The following ADGRV1 variants were observed in gnomAD, a reference collection of about 807,000 sequenced individuals.
ADGRV1 encodes the protein adhesion G protein-coupled receptor V1.
In ADGRV1, 359 loss-of-function variants were observed where a neutral mutation model predicts 596.2. The observed-to-expected ratio is 0.60, with a 90% CI of 0.55 to 0.66. ADGRV1 has a LOEUF of 0.66. Ranked by LOEUF, ADGRV1 falls within the 30% of genes least tolerant of loss-of-function variation. ADGRV1 has a pLI of 0.00. For missense variants in ADGRV1, 7,274 were observed against 7,575.6 expected, an observed-to-expected ratio of 0.96 and a Z score of 1.48; for synonymous variants, 2,681 against 2,679.2, an observed-to-expected ratio of 1.00 and a Z score of -0.02.
chr5:90,569,932 T>C lies in ADGRV1; in HGVS notation c.22+11015T>C, dbSNP rs182284270. On this transcript the variant is annotated intron_variant, in intron 1 of 89. Coordinates refer to ENST00000405460, the MANE Select transcript of ADGRV1 (RefSeq NM_032119.4). ...ACTCTTTAGCACAAATCTATTATTA[T>C]TGCTTTATGTAGTTGTCTTTTCAAT... Among the ~76,000 whole-genome samples the C allele has an allele frequency of 6.6e-5, 10 of 152,246 alleles. No homozygotes were observed. The East Asian group carries it at 1.9e-3, about 29-fold the overall frequency.
chr5:91,135,215 A>G (rs1016554237), intron 87 of ADGRV1, among the ~76,000 whole-genome samples: 4 of 152,006 alleles, frequency 2.6e-5, no homozygotes, highest in Non-Finnish European at 4.4e-5. Flanking sequence ...ATTTTTCTAC[A>G]TAGACATTTC....
intron 86 of ADGRV1, among the ~76,000 whole-genome samples, chr5:91,089,049 T>C (rs542191601): frequency 1.3e-5 from 2 of 152,204 alleles, no homozygotes; most frequent in Non-Finnish European, 2.9e-5. Context: ...AGCAATAAGA[T>C]ATTAGTTCAC....
At position 90,756,955 on chromosome 5, in the gene ADGRV1, T is replaced by C. The variant is rs372196527; in HGVS notation, c.11758-24T>C. The stretch of plus-strand genomic sequence containing the variant: ...TGAGAGTTACCATTTTATCTTGCCT[T>C]TCAATTATATTCTTTACTTAAAGGG... On this transcript the variant is annotated intron_variant, in intron 56 of 89. Transcript: ENST00000405460. 3.3e-6 allele frequency: 5 copies of C among 1,525,978 alleles called. No individual in the cohort carries two copies. The African/African-American group carries it at 6.9e-5, about 21-fold the overall frequency. The allele number at this position is 1,525,978 out of a possible 1,614,324, so 94.5% of individuals were successfully genotyped here. A position where few individuals can be genotyped will look rare whatever the true frequency, so the allele number is the denominator to read the frequency against.
chr5:90,729,064 G>A (rs893835224), intron 49 of ADGRV1, 131 bp downstream of exon 49: 1 of 641,078 alleles, frequency 1.6e-6, no homozygotes, highest in Non-Finnish European at 2.5e-6. Flanking sequence ...TGATAGATAA[G>A]TATTAATTGT....
chr5:91,149,713 G>A (rs1212539378), intron 87 of ADGRV1, among the ~76,000 whole-genome samples: 1 of 151,076 alleles, frequency 6.6e-6, no homozygotes, highest in Non-Finnish European at 1.5e-5. Context: ...CACGCCCATA[G>A]TCCCAGCTAC....
intron 1 of ADGRV1, among the ~76,000 whole-genome samples, chr5:90,611,691 TG>T (rs1440263886): frequency 2.0e-5 from 3 of 151,948 alleles, no homozygotes; most frequent in Non-Finnish European, 4.4e-5. Flanking sequence ...AGTGGTCTGA[TG>T]GGGCATGAAA....
intron 78 of ADGRV1, among the ~76,000 whole-genome samples, chr5:90,846,059 T>TG (rs1765850128): frequency 6.6e-6 from 1 of 152,356 alleles, no homozygotes; most frequent in African/African-American, 2.4e-5. Context: ...AGCTTGGAAC[T>TG]GTACTAGATT....
chr5:90,633,735 A>C (rs1461456572), intron 9 of ADGRV1, among the ~76,000 whole-genome samples: 1 of 152,122 alleles, frequency 6.6e-6, no homozygotes, highest in African/African-American at 2.4e-5. Flanking sequence ...ACTAAAGATC[A>C]CGTTTTATTT....
chr5:91,039,224 A>C (rs1156471804), intron 85 of ADGRV1, among the ~76,000 whole-genome samples: 1 of 152,214 alleles, frequency 6.6e-6, no homozygotes, highest in Non-Finnish European at 1.5e-5. Context: ...CTTTCAGATC[A>C]GGGTAGGACT....
intron 85 of ADGRV1, among the ~76,000 whole-genome samples, chr5:91,041,688 T>A (rs1212452100): frequency 6.6e-6 from 1 of 151,684 alleles, no homozygotes. Context: ...AATAACCTCT[T>A]TATGGCAGAA....
At chr5:91,083,924 A>G (rs538057569) in intron 86 of ADGRV1, among the ~76,000 whole-genome samples, 2 of 152,324 alleles carry the variant, frequency 1.3e-5, no homozygotes, top group East Asian at 3.9e-4. Flanking sequence ...GGCTTGGGCA[A>G]CATGAGAGAA....
chr5:90,983,839 C>T (rs1405497285), intron 84 of ADGRV1, among the ~76,000 whole-genome samples: 13 of 152,218 alleles, frequency 8.5e-5, no homozygotes, highest in Non-Finnish European at 1.5e-4. Flanking sequence ...ACATTTTTAT[C>T]CTTCCCTGGT....
chr5:90,665,201 C>T (rs1372978909), intron 21 of ADGRV1, among the ~76,000 whole-genome samples: 1 of 151,824 alleles, frequency 6.6e-6, no homozygotes, highest in Non-Finnish European at 1.5e-5. Flanking sequence ...CCAGTTCCTC[C>T]TTGTACCTCT....
intron 35 of ADGRV1, among the ~76,000 whole-genome samples, chr5:90,704,139 A>G (rs1748282133): frequency 6.6e-6 from 1 of 152,190 alleles, no homozygotes; most frequent in African/African-American, 2.4e-5. Flanking sequence ...CAATAGTGTT[A>G]CATTGCTCAA....
At position 90,853,523 on chromosome 5, in the gene ADGRV1, T is replaced by TA; in HGVS notation, c.17450dup (p.Asn5817LysfsTer2). ...ATAAGTGGAAACAATCTTCCTACCC[T>TA]AAAAAATAAGGTAATCTTTCATTCA... On this transcript the variant is annotated frameshift_variant, in exon 80 of 90. Transcript: ENST00000405460. LOFTEE classifies it high-confidence loss of function. 1 of 1,608,974 alleles carries TA rather than the reference T, an allele frequency of 6.2e-7. No homozygotes were observed. The highest frequency in any genetic ancestry group is 8.5e-7 in the Non-Finnish European group (1 of 1,176,936).
At chr5:91,104,238 G>A (rs1791649539) in intron 87 of ADGRV1, among the ~76,000 whole-genome samples, 1 of 152,172 alleles carries the variant, frequency 6.6e-6, no homozygotes, top group African/African-American at 2.4e-5. Flanking sequence ...TTCTGGCAGT[G>A]TGCCTGGGAA....
At chr5:90,674,298 C>A in intron 23 of ADGRV1, 64 bp downstream of exon 23, 1 of 1,300,018 alleles carries the variant, frequency 7.7e-7, no homozygotes, top group Non-Finnish European at 1.0e-6. Flanking sequence ...TTGTTAAGAA[C>A]TTCTTAAGGC....
At chr5:90,669,828 A>T (rs1048201968) in intron 21 of ADGRV1, among the ~76,000 whole-genome samples, 2 of 152,196 alleles carry the variant, frequency 1.3e-5, no homozygotes, top group African/African-American at 4.8e-5. Flanking sequence ...AAGCAAATGC[A>T]AGTTGAGGCT....
Position 90,863,796 on chromosome 5 carries a change from G to C in ADGRV1, c.17795G>C (p.Arg5932Thr). 6.2e-7 allele frequency: 1 copy of C among 1,613,552 alleles called. No homozygotes were observed. The highest frequency in any genetic ancestry group is 1.3e-5 in the African/African-American group (1 of 75,004). Residue 5932 changes from arginine to threonine, a missense_variant, in exon 83 of 90, where the codon AGG becomes ACG. Physicochemically the swap from Arg to Thr is moderately conservative, Grantham distance 71. Around this residue, in one of 5 missense-constraint regions of ADGRV1, gnomAD observed 1,874 missense variants for 1,970.2 expected, o/e 0.95. Coordinates refer to ENST00000405460, the MANE Select transcript of ADGRV1 (RefSeq NM_032119.4). ...LAVLSHIFCA[R>T]YSMFAAKLLT... ...GTTCTTTCCCATATCTTCTGTGCCA[G>C]GTACTCCATGTTTGCAGCTAAACTT...
Sources: gnomAD v4.1 joint callset for allele counts (sites outside exome capture counted in the v4.1 genomes callset) on GRCh38, gnomAD v4.1.1 for gene constraint, gnomAD v4.1.1 regional missense constraint, MANE v1.5 for transcripts, NCBI Gene and HGNC (gene_info 2026-07-23, HGNC 2026-07-21) for gene names.